Variants in NKAIN2 observed in about 807,000 individuals in gnomAD.
The protein encoded by NKAIN2 is sodium/potassium transporting ATPase interacting 2.
In NKAIN2, 14 loss-of-function variants were observed where a neutral mutation model predicts 32.6. That is an observed-to-expected ratio of 0.43 (90% CI 0.28 to 0.67). The LOEUF (loss-of-function observed/expected upper bound fraction) is 0.67. Ranked by LOEUF, NKAIN2 falls within the 30% of genes least tolerant of loss-of-function variation. NKAIN2 has a pLI of 0.17. For synonymous variants in NKAIN2, 80 were observed against 87.2 expected (o/e 0.92, Z 0.46); for missense variants, 198 against 258.3 (o/e 0.77, Z 1.60).
At chr6:123,905,118 G>A (rs964091098) in intron 1 of NKAIN2, among the ~76,000 whole-genome samples, 10 of 152,248 alleles carry the variant, frequency 6.6e-5, no homozygotes, top group African/African-American at 2.4e-4. Flanking sequence ...TGAAAAGTCT[G>A]AAATTTTTCT....
chr6:124,206,416 A>G (rs773418108), intron 1 of NKAIN2, among the ~76,000 whole-genome samples: 1 of 151,930 alleles, frequency 6.6e-6, no homozygotes, highest in Non-Finnish European at 1.5e-5. Context: ...AAAGTTTGTT[A>G]GATTGTAATA....
chr6:124,669,517 G>A lies in NKAIN2; in HGVS notation c.474+11131G>A, dbSNP rs141833023. Among the ~76,000 whole-genome samples, 508 of 152,172 alleles carry A rather than the reference G, an allele frequency of 3.3e-3. 12 individuals are homozygous for A. The highest frequency in any genetic ancestry group is 0.026 in the Admixed American group (390 of 15,278). On this transcript the variant is annotated intron_variant, in intron 4 of 6. Transcript: ENST00000368417. ...GTGACTTTAGAGCTAAAATCTGACTGCAGTGAGGACTGGCCCATGTGGATA... is the reference window on the plus strand; with the variant it reads ...GTGACTTTAGAGCTAAAATCTGACTACAGTGAGGACTGGCCCATGTGGATA...
chr6:124,581,613 A>C, intron 3 of NKAIN2, among the ~76,000 whole-genome samples: 1 of 152,166 alleles, frequency 6.6e-6, no homozygotes, highest in Admixed American at 6.5e-5. Context: ...TTAAGCCACA[A>C]AAAAATCTTA....
intron 4 of NKAIN2, among the ~76,000 whole-genome samples, chr6:124,741,795 A>C (rs899566697): frequency 1.3e-5 from 2 of 151,884 alleles, no homozygotes; most frequent in Admixed American, 1.3e-4. Flanking sequence ...TATTATCCTC[A>C]TCATGGGTTT....
At chr6:123,876,023 A>G (rs918512060) in intron 1 of NKAIN2, among the ~76,000 whole-genome samples, 2 of 152,144 alleles carry the variant, frequency 1.3e-5, no homozygotes, top group Middle Eastern at 3.4e-3. Context: ...AATTGTTTCA[A>G]TATGTGTATA....
chr6:124,671,622 A>G (rs73770510), intron 4 of NKAIN2, among the ~76,000 whole-genome samples: 7,723 of 152,082 alleles, frequency 0.051, 222 homozygotes, highest in African/African-American at 0.084. Context: ...CTGATCAACA[A>G]TCTGTTTTTG....
chr6:123,982,002 G>A (rs1167437759), intron 1 of NKAIN2, among the ~76,000 whole-genome samples: 5 of 152,160 alleles, frequency 3.3e-5, no homozygotes, highest in Non-Finnish European at 7.3e-5. Flanking sequence ...TTAAAACTAT[G>A]TAATCTTTTT....
At chr6:124,294,997 T>TG (rs1436456400) in intron 2 of NKAIN2, among the ~76,000 whole-genome samples, 3 of 152,286 alleles carry the variant, frequency 2.0e-5, no homozygotes, top group African/African-American at 7.2e-5. Context: ...TACAATTCAT[T>TG]TTTATGGGAG....
intron 1 of NKAIN2, among the ~76,000 whole-genome samples, chr6:123,883,566 T>C (rs1183607126): frequency 6.6e-6 from 1 of 151,870 alleles, no homozygotes; most frequent in Non-Finnish European, 1.5e-5. Context: ...TCTGCCATGA[T>C]TGTACGTTCC....
chr6:123,894,490 G>C (rs1347153111), intron 1 of NKAIN2, among the ~76,000 whole-genome samples: 1 of 152,168 alleles, frequency 6.6e-6, no homozygotes. Flanking sequence ...GCATAGATTA[G>C]CTGTCGATGT....
At chr6:124,190,263 T>A (rs1789950569) in intron 1 of NKAIN2, among the ~76,000 whole-genome samples, 1 of 152,230 alleles carries the variant, frequency 6.6e-6, no homozygotes, top group Non-Finnish European at 1.5e-5. Context: ...TACAGGGTTA[T>A]CCTGAGGCTC....
rs1465526610 is a variant in NKAIN2 at position 124,163,339 on chromosome 6, A to G, written c.55-119666A>G. On this transcript the variant is annotated intron_variant, in intron 1 of 6. Coordinates refer to ENST00000368417, the MANE Select transcript of NKAIN2 (RefSeq NM_001040214.3). ...GTGTTTGTGAATCTAAAAGATGCCCATAAGAAATGGAATGAAACCATTAAG... is the reference window on the plus strand; with the variant it reads ...GTGTTTGTGAATCTAAAAGATGCCCGTAAGAAATGGAATGAAACCATTAAG... Among the ~76,000 whole-genome samples, 3 of 152,042 alleles carry G rather than the reference A, an allele frequency of 2.0e-5. No homozygotes were observed. The East Asian group carries it at 5.8e-4, about 29-fold the overall frequency.
chr6:124,257,827 G>A (rs151323476), intron 1 of NKAIN2, among the ~76,000 whole-genome samples: 197 of 142,416 alleles, frequency 1.4e-3, no homozygotes, highest in Non-Finnish European at 1.7e-3. Context: ...TGCCCAGGCT[G>A]GAGTACAGTG....
intron 5 of NKAIN2, among the ~76,000 whole-genome samples, chr6:124,817,098 G>T (rs1448734599): frequency 6.6e-6 from 1 of 152,126 alleles, no homozygotes; most frequent in African/African-American, 2.4e-5. Context: ...CCAAGACTGA[G>T]CTGACTCAAC....
chr6:124,683,125 G>C (rs1397623086), intron 4 of NKAIN2, among the ~76,000 whole-genome samples: 2 of 152,124 alleles, frequency 1.3e-5, no homozygotes, highest in African/African-American at 4.8e-5. Context: ...GTAAATACTT[G>C]ACAGGTGAAT....
At chr6:124,560,241 A>G (rs1391529351) in intron 3 of NKAIN2, among the ~76,000 whole-genome samples, 1 of 152,090 alleles carries the variant, frequency 6.6e-6, no homozygotes, top group Non-Finnish European at 1.5e-5. Context: ...ATAGTGAGTC[A>G]GTTCTCTTGA....
chr6:123,985,160 A>T (rs1208003975), intron 1 of NKAIN2, among the ~76,000 whole-genome samples: 4 of 152,084 alleles, frequency 2.6e-5, no homozygotes, highest in Admixed American at 6.5e-5. Context: ...GCACTTTGGG[A>T]GGCTGAGGAG....
intron 1 of NKAIN2, among the ~76,000 whole-genome samples, chr6:124,128,368 A>G (rs1399733740): frequency 6.6e-6 from 1 of 152,156 alleles, no homozygotes; most frequent in Non-Finnish European, 1.5e-5. Context: ...ATTTTATTTT[A>G]ATTTATTTGA....
intron 1 of NKAIN2, among the ~76,000 whole-genome samples, chr6:124,189,374 A>G (rs1170089574): frequency 3.9e-5 from 6 of 152,230 alleles, no homozygotes; most frequent in African/African-American, 1.4e-4. Flanking sequence ...TACAAAAACA[A>G]CTGCTAACTG....
Sources: allele counts gnomAD v4.1 joint callset (sites outside exome capture counted in the v4.1 genomes callset), GRCh38; gene constraint gnomAD v4.1.1; transcripts MANE v1.5; gene names NCBI Gene and HGNC (gene_info 2026-07-23, HGNC 2026-07-21).